RAPGEF6: variants seen among roughly 807,000 people sequenced by gnomAD.
The protein encoded by RAPGEF6 is PDZ domain containing guanine nucleotide exchange factor (GEF) 2.
In RAPGEF6, 56 loss-of-function variants were observed where a neutral mutation model predicts 171.4. The ratio of observed to expected loss-of-function variants is 0.33; its 90% CI spans 0.26 to 0.41. The LOEUF (loss-of-function observed/expected upper bound fraction) is 0.41, where lower values mean the gene tolerates loss of function less well. RAPGEF6 is among the 10% of genes least tolerant of loss of function. RAPGEF6 has a pLI of 1.00. For missense variants in RAPGEF6, 1,674 were observed against 1,921.4 expected (o/e 0.87, Z 2.41); for synonymous variants, 692 against 650.1 (o/e 1.06, Z -0.98).
At chr5:131,552,331 G>A (rs1760972921) in intron 5 of RAPGEF6, among the ~76,000 whole-genome samples, 1 of 151,910 alleles carries the variant, frequency 6.6e-6, no homozygotes, top group Admixed American at 6.5e-5. Context: ...AAACCACAAG[G>A]CATCCTTCAT....
chr5:131,533,682 C>T (rs1416376492), intron 6 of RAPGEF6, among the ~76,000 whole-genome samples: 2 of 152,114 alleles, frequency 1.3e-5, no homozygotes, highest in South Asian at 2.1e-4. Context: ...ATCAGATGTA[C>T]ACCAATAGTT....
At chr5:131,546,590 C>T (rs1292191073) in intron 6 of RAPGEF6, among the ~76,000 whole-genome samples, 3 of 149,974 alleles carry the variant, frequency 2.0e-5, no homozygotes, top group East Asian at 2.0e-4. Context: ...GGCAAGAGAG[C>T]GACACTCCAT....
At chr5:131,540,150 C>T (rs1421655426) in intron 6 of RAPGEF6, among the ~76,000 whole-genome samples, 1 of 152,110 alleles carries the variant, frequency 6.6e-6, no homozygotes, top group Admixed American at 6.5e-5. Flanking sequence ...TAAAAAGCAT[C>T]CTAAGCAACA....
At chr5:131,580,946 C>T (rs529582866) in intron 4 of RAPGEF6, among the ~76,000 whole-genome samples, 10 of 152,298 alleles carry the variant, frequency 6.6e-5, no homozygotes, top group African/African-American at 1.2e-4. Flanking sequence ...GACACCAACA[C>T]GACAAAAAGA....
At chr5:131,448,840 T>G (rs1162186964) in intron 21 of RAPGEF6, among the ~76,000 whole-genome samples, 1 of 152,164 alleles carries the variant, frequency 6.6e-6, no homozygotes, top group Non-Finnish European at 1.5e-5. Flanking sequence ...CAAGTATTCT[T>G]CTTTATAATA....
intron 26 of RAPGEF6, among the ~76,000 whole-genome samples, chr5:131,429,524 G>A (rs565392483): frequency 6.6e-6 from 1 of 152,226 alleles, no homozygotes; most frequent in Admixed American, 6.5e-5. Context: ...GACAACTCCT[G>A]AAGTCACACC....
chr5:131,461,975 G>T lies in RAPGEF6; in HGVS notation c.2594C>A (p.Ala865Asp), dbSNP rs1753963666. 6.2e-7 allele frequency: 1 copy of T among 1,613,984 alleles called. No homozygotes were observed. Among genetic ancestry groups the T allele is most frequent in the Non-Finnish European group, 8.5e-7 (1 of 1,179,996 alleles). Residue 865 changes from alanine to aspartate, a missense_variant, in exon 19 of 28, where the codon GCC (alanine) becomes GAC (aspartate). Physicochemically the swap from Ala to Asp is moderately radical, Grantham distance 126. Around this residue, in one of 3 missense-constraint regions of RAPGEF6, gnomAD observed 1,116 missense variants for 1,321.5 expected, o/e 0.84. Coordinates refer to ENST00000509018, the MANE Select transcript of RAPGEF6 (RefSeq NM_016340.6). ...AAAGTCCCTCATTGACAGCTGGGTG[G>T]CCACCTCAATGGTACTGAGCTGCAG... ...SMLQLSTIEV[A>D]TQLSMRDFDL...
intron 15 of RAPGEF6, among the ~76,000 whole-genome samples, chr5:131,485,087 C>T (rs1289966581): frequency 6.6e-6 from 1 of 151,982 alleles, no homozygotes; most frequent in Non-Finnish European, 1.5e-5. Flanking sequence ...CTACCATGCC[C>T]AGCTAAATTT....
At chr5:131,480,538 G>T (rs1405345794) in intron 15 of RAPGEF6, among the ~76,000 whole-genome samples, 1 of 152,128 alleles carries the variant, frequency 6.6e-6, no homozygotes. Context: ...GAGTGCAGTG[G>T]CACAATCTCA....
At chr5:131,484,536 G>T (rs1755740461) in intron 15 of RAPGEF6, among the ~76,000 whole-genome samples, 1 of 152,072 alleles carries the variant, frequency 6.6e-6, no homozygotes, top group African/African-American at 2.4e-5. Flanking sequence ...ATACACTGAT[G>T]AATGAAGCAT....
At chr5:131,545,924 C>G (rs1760494879) in intron 6 of RAPGEF6, among the ~76,000 whole-genome samples, 1 of 152,202 alleles carries the variant, frequency 6.6e-6, no homozygotes, top group African/African-American at 2.4e-5. Context: ...AAAAATGCCA[C>G]TATACTTAGC....
In RAPGEF6 at chr5:131,461,879, T is replaced by A. The variant is rs145431384; in HGVS notation, c.2690A>T (p.Asn897Ile). 3.7e-6 allele frequency: 6 copies of A among 1,614,012 alleles called. No homozygotes were observed. The African/African-American group carries it at 8.0e-5, about 22-fold the overall frequency. The change falls in exon 19 of 28, where the codon AAT becomes ATT. Residue 897 changes from asparagine (N) to isoleucine (I), a missense_variant. Transcript: ENST00000509018. ...GTCCTCAAACCTCTTCAAATGAGTA[T>A]TTCCTGTTTTGGAATTTAACTTAAA... The part of the protein sequence containing the change: ...DLFKLNSKTG[N>I]THLKRFEDIV...
At chr5:131,504,537 T>A in intron 11 of RAPGEF6, 89 bp downstream of exon 11, 1 of 1,283,292 alleles carries the variant, frequency 7.8e-7, no homozygotes. Context: ...TGAATTATCT[T>A]GCATTACTTA....
At chr5:131,622,605 G>A (rs770530483) in intron 1 of RAPGEF6, among the ~76,000 whole-genome samples, 2 of 152,016 alleles carry the variant, frequency 1.3e-5, no homozygotes, top group African/African-American at 2.4e-5. Flanking sequence ...TAATAAAATC[G>A]CTCATTCTAT....
At position 131,492,495 on chromosome 5, in the gene RAPGEF6, A is replaced by G. The variant is rs1053341407; in HGVS notation, c.1731+87T>C. ...CTCAGAAAAATATTTCCTTAAACTG[A>G]TCATGCTTTCTGGAAGATGAGAACA... On this transcript the variant is annotated intron_variant, in intron 14 of 27. Coordinates refer to ENST00000509018, the MANE Select transcript of RAPGEF6 (RefSeq NM_016340.6). 2.2e-5 allele frequency: 30 copies of G among 1,338,148 alleles called. No homozygotes were observed. The Admixed American group carries it at 4.8e-4, about 22-fold the overall frequency. The allele number at this position is 1,338,148 out of a possible 1,614,324, so 82.9% of individuals were successfully genotyped here. A position where few individuals can be genotyped will look rare whatever the true frequency, so the allele number is the denominator to read the frequency against.
chr5:131,451,049 G>C (rs1258915100), intron 21 of RAPGEF6, among the ~76,000 whole-genome samples: 1 of 152,140 alleles, frequency 6.6e-6, no homozygotes, highest in Admixed American at 6.5e-5. Context: ...GAGAGTGTTA[G>C]GGTCATTGTA....
chr5:131,606,916 C>A (rs555541322), intron 1 of RAPGEF6, among the ~76,000 whole-genome samples: 1 of 152,128 alleles, frequency 6.6e-6, no homozygotes, highest in Non-Finnish European at 1.5e-5. Flanking sequence ...AGAATGATCC[C>A]AATTGAGGCT....
intron 9 of RAPGEF6, 22 bp downstream of exon 9, chr5:131,508,049 T>C (rs369446618): frequency 1.9e-6 from 3 of 1,549,288 alleles, no homozygotes; most frequent in East Asian, 2.3e-5. Context: ...AATAAATGTA[T>C]GTAATTTATT....
chr5:131,548,131 T>C lies in RAPGEF6; in HGVS notation c.411A>G (p.Gln137=). 6.2e-7 allele frequency: 1 copy of C among 1,613,990 alleles called. No homozygotes were observed. The highest frequency in any genetic ancestry group is 8.5e-7 in the Non-Finnish European group (1 of 1,179,892). ...TAATTTTCCGAAATCTTCTTCGGGA[T>C]TGTCTGGCAGGAATTTCTCTTTGTA... ...SILQREIPAR[Q]SRRRFRKINY... is the part of the protein sequence containing the mutation. The change falls in exon 6 of 28, where the codon CAA becomes CAG. Residue 137 remains glutamine (Q), a synonymous_variant. Transcript: ENST00000509018.
Sources: gnomAD v4.1 joint callset for allele counts (sites outside exome capture counted in the v4.1 genomes callset) on GRCh38, gnomAD v4.1.1 for gene constraint, gnomAD v4.1.1 regional missense constraint, MANE v1.5 for transcripts, NCBI Gene and HGNC (gene_info 2026-07-23, HGNC 2026-07-21) for gene names.